The following SCMH1 variants were observed in gnomAD, a reference collection of about 807,000 sequenced individuals.
The protein encoded by SCMH1 is Scm polycomb group protein homolog 1, also known as polycomb protein SCMH1.
SCMH1 carries 37 observed loss-of-function variants against 70.8 expected under a neutral mutation model. The observed-to-expected ratio is 0.52, with a 90% CI of 0.40 to 0.69. SCMH1 has a LOEUF of 0.69. Among genes scored for constraint, SCMH1 ranks in the 30% least tolerant of loss-of-function variants. The probability of loss-of-function intolerance (pLI) is 0.00; values close to 1 mark genes in which losing one functional copy is unlikely to be tolerated. For synonymous variants in SCMH1, 292 were observed against 307.4 expected (o/e 0.95, Z 0.52); for missense variants, 607 against 827.3 (o/e 0.73, Z 3.27).
intron 5 of SCMH1, among the ~76,000 whole-genome samples, chr1:41,148,031 G>T (rs1350978598): frequency 6.6e-6 from 1 of 151,976 alleles, no homozygotes; most frequent in Non-Finnish European, 1.5e-5. Context: ...GATATAGCTG[G>T]GTTTAAATAA....
chr1:41,086,888 C>CA (rs369382154), intron 8 of SCMH1, among the ~76,000 whole-genome samples: 80,778 of 126,514 alleles, frequency 0.64, 26,101 homozygotes, highest in African/African-American at 0.85. Context: ...AAAACAAAAC[C>CA]AAAAAAAAAA....
At chr1:41,100,567 C>CTTT (rs72221588) in intron 8 of SCMH1, among the ~76,000 whole-genome samples, 2 of 122,490 alleles carry the variant, frequency 1.6e-5, no homozygotes, top group East Asian at 2.4e-4. Flanking sequence ...TTTTCTTTTT[C>CTTT]TTTTTTTTTT....
At position 41,035,905 on chromosome 1, in the gene SCMH1, T is replaced by C. The variant is rs549162859; in HGVS notation, c.1678+1457A>G. On this transcript the variant is annotated intron_variant, in intron 13 of 14. Coordinates refer to ENST00000337495, the Ensembl canonical transcript of SCMH1. ...ATTACCCACTAATGGTGGAATCCAA[T>C]AGATGTTTCTCAGTCCCTTTTTTGC... is the stretch of plus-strand genomic sequence containing the variant. Among the ~76,000 whole-genome samples, 8 of 152,346 alleles carry C rather than the reference T, an allele frequency of 5.3e-5. No individual in the cohort carries two copies. In the East Asian group the frequency reaches 1.2e-3, roughly 22 times the overall value.
chr1:41,045,691 C>T (rs926290598), intron 12 of SCMH1: 11 of 152,368 alleles, frequency 7.2e-5, no homozygotes, highest in African/African-American at 2.7e-4. Context: ...AGGGCCTTTC[C>T]TCCCTCTCAG....
intron 8 of SCMH1, among the ~76,000 whole-genome samples, chr1:41,085,365 G>T (rs1661305559): frequency 6.6e-6 from 1 of 152,084 alleles, no homozygotes; most frequent in Non-Finnish European, 1.5e-5. Context: ...AGTTTGCTAT[G>T]TGATTAACAT....
rs747786112 is a variant in SCMH1 at position 41,161,600 on chromosome 1, T to A, written c.14-168A>T. ...AGAAAAAGGTTTTATGTAAAAAGCC[T>A]TGGCATTGTTTACAATAACAAAAAA... On this transcript the variant is annotated intron_variant, in intron 2 of 14. Coordinates refer to ENST00000337495, the Ensembl canonical transcript of SCMH1. 1.3e-3 allele frequency: 895 copies of A among 689,096 alleles called. 2 individuals carry two copies. Among genetic ancestry groups the A allele is most frequent in the Non-Finnish European group, 1.8e-3 (842 of 464,064 alleles). 42.7% of individuals were successfully genotyped at this position (689,096 alleles called of 1,614,324 possible).
At chr1:41,151,588 T>C in intron 5 of SCMH1, 26 bp downstream of exon 5, 1 of 1,574,612 alleles carries the variant, frequency 6.4e-7, no homozygotes. Context: ...ATCTTCCACC[T>C]ACTAAAGATG....
intron 1 of SCMH1, among the ~76,000 whole-genome samples, chr1:41,232,267 A>T (rs1409679588): frequency 6.6e-6 from 1 of 152,270 alleles, no homozygotes; most frequent in East Asian, 1.9e-4. Flanking sequence ...GGGGTACAGA[A>T]ATGTTATAAT....
At chr1:41,120,382 T>C (rs189907592) in intron 6 of SCMH1, among the ~76,000 whole-genome samples, 1 of 152,346 alleles carries the variant, frequency 6.6e-6, no homozygotes, top group Non-Finnish European at 1.5e-5. Context: ...CAGGCACTAT[T>C]ATTATCCCTA....
intron 1 of SCMH1, among the ~76,000 whole-genome samples, chr1:41,218,800 C>T (rs890375521): frequency 1.3e-5 from 2 of 152,212 alleles, no homozygotes; most frequent in Non-Finnish European, 2.9e-5. Context: ...CCACTCTTAA[C>T]CACTACACTA....
At chr1:41,151,984 A>T (rs1178180256) in intron 4 of SCMH1, among the ~76,000 whole-genome samples, 1 of 152,214 alleles carries the variant, frequency 6.6e-6, no homozygotes. Flanking sequence ...AGAAGTGACC[A>T]GGAAGCTAAT....
At chr1:41,225,793 C>T (rs1660166518) in intron 1 of SCMH1, among the ~76,000 whole-genome samples, 1 of 152,190 alleles carries the variant, frequency 6.6e-6, no homozygotes, top group South Asian at 2.1e-4. Context: ...AGTGACTGAA[C>T]TAGCAAACTG....
At chr1:41,056,584 C>T (rs1377909884) in intron 10 of SCMH1, among the ~76,000 whole-genome samples, 5 of 152,152 alleles carry the variant, frequency 3.3e-5, no homozygotes, top group Non-Finnish European at 5.9e-5. Flanking sequence ...GCTGAATAAG[C>T]TGAAAAGTCA....
chr1:41,081,833 CAT>C (rs993587177), intron 8 of SCMH1, among the ~76,000 whole-genome samples: 1 of 147,708 alleles, frequency 6.8e-6, no homozygotes, highest in Non-Finnish European at 1.5e-5. Context: ...AAAAAAAAGA[CAT>C]ATATTATTGG....
At chr1:41,220,686 G>A (rs1478273219) in intron 1 of SCMH1, among the ~76,000 whole-genome samples, 1 of 152,190 alleles carries the variant, frequency 6.6e-6, no homozygotes, top group Non-Finnish European at 1.5e-5. Context: ...GAAAGACGTG[G>A]TCCTTGTTTT....
chr1:41,083,245 T>A (rs11209487), intron 8 of SCMH1, among the ~76,000 whole-genome samples: 11,888 of 152,158 alleles, frequency 0.078, 601 homozygotes, highest in South Asian at 0.12. Context: ...CAGCCCAAAA[T>A]CTCCTTAAGC....
intron 10 of SCMH1, among the ~76,000 whole-genome samples, chr1:41,052,258 G>C (rs1261838568): frequency 6.6e-6 from 1 of 152,252 alleles, no homozygotes; most frequent in African/African-American, 2.4e-5. Context: ...CACAGCAGGA[G>C]TTGAGCAGCA....
chr1:41,193,338 A>C (rs1380049397), intron 1 of SCMH1, among the ~76,000 whole-genome samples: 2 of 152,218 alleles, frequency 1.3e-5, no homozygotes. Context: ...TAAGCCTAGT[A>C]GTAACATGTT....
At chr1:41,120,464 C>G (rs1015483822) in intron 6 of SCMH1, among the ~76,000 whole-genome samples, 15 of 152,096 alleles carry the variant, frequency 9.9e-5, no homozygotes, top group African/African-American at 3.6e-4. Context: ...ATGCCGGAGA[C>G]AGATTTCAAT....
Sources: gnomAD v4.1 joint callset for allele counts (sites outside exome capture counted in the v4.1 genomes callset) on GRCh38, gnomAD v4.1.1 for gene constraint, MANE v1.5 for transcripts, NCBI Gene and HGNC (gene_info 2026-07-23, HGNC 2026-07-21) for gene names.